The following MEAF6 variants were observed in gnomAD, a reference collection of about 807,000 sequenced individuals.
MEAF6 encodes chromatin modification-related protein MEAF6.
Under a neutral mutation model 28.9 loss-of-function variants are expected in MEAF6, and 15 were observed. The ratio of observed to expected loss-of-function variants is 0.52; its 90% confidence interval spans 0.35 to 0.80. MEAF6 has a LOEUF of 0.80. MEAF6 is among the 30% of genes least tolerant of loss of function. The pLI is 0.01. For synonymous variants in MEAF6, 97 were observed against 88.7 expected (o/e 1.09, Z -0.53); for missense variants, 178 against 237.5 (o/e 0.75, Z 1.65).
intron 5 of MEAF6, chr1:37,501,543 T>A (rs531977222): frequency 6.0e-6 from 2 of 335,988 alleles, no homozygotes; most frequent in South Asian, 2.9e-4. Flanking sequence ...ATATTCACCA[T>A]ATGAAACAAG....
chr1:37,500,615 A>G (rs945634756), intron 5 of MEAF6, among the ~76,000 whole-genome samples: 1 of 152,214 alleles, frequency 6.6e-6, no homozygotes, highest in Non-Finnish European at 1.5e-5. Flanking sequence ...GCAGTCTAGA[A>G]AACACCATTA....
intron 6 of MEAF6, 44 bp downstream of exon 6, chr1:37,495,841 T>C: frequency 1.2e-6 from 2 of 1,606,930 alleles, no homozygotes; most frequent in Non-Finnish European, 1.7e-6. Context: ...TCTAATCATC[T>C]ACAAAATTGC....
chr1:37,510,816 G>A (rs1447785223), intron 2 of MEAF6, among the ~76,000 whole-genome samples: 3 of 152,008 alleles, frequency 2.0e-5, no homozygotes, highest in East Asian at 1.9e-4. Context: ...TCTGCCTCCC[G>A]AGTTCAAGCG....
At position 37,490,517 on chromosome 1, in the gene MEAF6, C is replaced by A. The variant is rs528750054; in HGVS notation, c.*3582G>T. ...CTTCACATAAACCAGTATAGTCCCC[C>A]TGTAGTCAAGGCTTCAGATGTCAAT... On this transcript the variant is annotated 3_prime_UTR_variant, in exon 7 of 7. Transcript: ENST00000296214. Among the ~76,000 whole-genome samples, 2 of 152,274 alleles carry A rather than the reference C, an allele frequency of 1.3e-5. No individual in the cohort carries two copies. Among genetic ancestry groups the A allele is most frequent in the African/African-American group, 4.8e-5 (2 of 41,562 alleles).
chr1:37,492,204 ATTT>A lies in MEAF6; in HGVS notation c.*1892_*1894del, dbSNP rs1047160669. On this transcript the variant is annotated 3_prime_UTR_variant, in exon 7 of 7. Transcript: ENST00000296214. ...CCACCACGCTCAGCTAATTTTTTGCATTTTTAGTAGAGATGGGGTTTCACTGTG... is the reference window on the plus strand; with the variant it reads ...CCACCACGCTCAGCTAATTTTTTGCATTAGTAGAGATGGGGTTTCACTGTG... Among the ~76,000 whole-genome samples the A allele has an allele frequency of 6.6e-6, 1 of 151,894 alleles. No homozygotes were observed. Among genetic ancestry groups the A allele is most frequent in the Non-Finnish European group, 1.5e-5 (1 of 67,976 alleles).
At chr1:37,513,884 C>T (rs796419694) in intron 1 of MEAF6, 10 of 347,220 alleles carry the variant, frequency 2.9e-5, no homozygotes, top group Admixed American at 1.3e-4. Flanking sequence ...GGTATCGCTA[C>T]CAGGAGAGGG....
In MEAF6 at chr1:37,493,642, CAAGAG is replaced by C. The variant is rs1642013318; in HGVS notation, c.*452_*456del. ...CCCAAAGAAAATAAGATAAAAACAA[CAAGAG>C]AAAAACAAGAAAACATAAAACAATA... On this transcript the variant is annotated 3_prime_UTR_variant, in exon 7 of 7. Coordinates refer to ENST00000296214, the MANE Select transcript of MEAF6 (RefSeq NM_001270875.3). The C allele has an allele frequency of 1.2e-6, 1 of 836,272 alleles. No individual in the cohort carries two copies. The highest frequency in any genetic ancestry group is 1.7e-5 in the African/African-American group (1 of 57,528). The allele number at this position is 836,272 out of a possible 1,614,324, so 51.8% of individuals were successfully genotyped here.
chr1:37,497,232 GTTT>G (rs1642153479), intron 5 of MEAF6, among the ~76,000 whole-genome samples: 2 of 95,968 alleles, frequency 2.1e-5, no homozygotes, highest in Non-Finnish European at 5.1e-5. Flanking sequence ...ATATGGGTTT[GTTT>G]GTTTGTTTGT....
intron 6 of MEAF6, among the ~76,000 whole-genome samples, 183 bp downstream of exon 6, chr1:37,495,702 A>AC (rs1642104163): frequency 8.8e-6 from 1 of 113,490 alleles, no homozygotes. Flanking sequence ...AAAAACAAAA[A>AC]ACAAAAAAAA....
intron 5 of MEAF6, among the ~76,000 whole-genome samples, chr1:37,501,219 G>A (rs2492302): frequency 0.021 from 3,140 of 152,134 alleles, 106 homozygotes; most frequent in African/African-American, 0.072. Flanking sequence ...AATGTTACAC[G>A]TTACCTATGA....
rs1354830221 is a variant in MEAF6 at position 37,492,157 on chromosome 1, T to C, written c.*1942A>G. The stretch of plus-strand genomic sequence containing the variant: ...CATTCTCCTGCCTCAGCCTCCCGAG[T>C]AGCTGGGACTACCGGCACCCGCCAC... On this transcript the variant is annotated 3_prime_UTR_variant, in exon 7 of 7. Transcript: ENST00000296214. 1.3e-5 allele frequency among the ~76,000 whole-genome samples: 2 copies of C among 151,968 alleles called. No individual in the cohort carries two copies. Among genetic ancestry groups the C allele is most frequent in the African/African-American group, 4.8e-5 (2 of 41,356 alleles).
chr1:37,511,617 C>T (rs1642673867), intron 2 of MEAF6, among the ~76,000 whole-genome samples: 3 of 152,186 alleles, frequency 2.0e-5, no homozygotes, highest in Non-Finnish European at 4.4e-5. Flanking sequence ...CATTATGTGC[C>T]TCCTGATAAA....
intron 4 of MEAF6, among the ~76,000 whole-genome samples, chr1:37,506,721 A>G (rs1358093034): frequency 6.6e-6 from 1 of 151,278 alleles, no homozygotes; most frequent in African/African-American, 2.4e-5. Flanking sequence ...ACAAGGTCTC[A>G]CTCTGTCACT....
At chr1:37,495,839 T>A in intron 6 of MEAF6, 46 bp downstream of exon 6, 1 of 1,601,170 alleles carries the variant, frequency 6.2e-7, no homozygotes, top group Non-Finnish European at 8.6e-7. Flanking sequence ...TTTCTAATCA[T>A]CTACAAAATT....
intron 2 of MEAF6, among the ~76,000 whole-genome samples, chr1:37,511,221 C>T (rs1642659166): frequency 6.6e-6 from 1 of 152,000 alleles, no homozygotes; most frequent in Non-Finnish European, 1.5e-5. Context: ...TGGAGTACTC[C>T]AAAAGTAATA....
intron 5 of MEAF6, among the ~76,000 whole-genome samples, chr1:37,501,185 T>C (rs1439169785): frequency 6.6e-6 from 1 of 152,100 alleles, no homozygotes; most frequent in Non-Finnish European, 1.5e-5. Flanking sequence ...TCTCATTATG[T>C]ACTGCAAAAA....
intron 6 of MEAF6, among the ~76,000 whole-genome samples, chr1:37,495,175 T>C (rs1375203091): frequency 6.6e-6 from 1 of 151,022 alleles, no homozygotes; most frequent in Non-Finnish European, 1.5e-5. Context: ...TCTACTAAAA[T>C]ACAAAAACTA....
chr1:37,493,513 T>C lies in MEAF6; in HGVS notation c.*586A>G, dbSNP rs879575750. 1.4e-5 allele frequency: 7 copies of C among 490,880 alleles called. No homozygotes were observed. The highest frequency in any genetic ancestry group is 2.1e-5 in the Non-Finnish European group (6 of 280,892). The allele number at this position is 490,880 out of a possible 1,614,324, so 30.4% of individuals were successfully genotyped here. On this transcript the variant is annotated 3_prime_UTR_variant, in exon 7 of 7. Coordinates refer to ENST00000296214, the MANE Select transcript of MEAF6 (RefSeq NM_001270875.3). ...GGCAAGTTTCCCATTTTACTTATGATAAACCAGATTATTTTCAGTTATGAA... is the reference window on the plus strand; with the variant it reads ...GGCAAGTTTCCCATTTTACTTATGACAAACCAGATTATTTTCAGTTATGAA...
intron 4 of MEAF6, among the ~76,000 whole-genome samples, chr1:37,506,477 T>A (rs1224735896): frequency 6.6e-6 from 1 of 152,196 alleles, no homozygotes; most frequent in African/African-American, 2.4e-5. Context: ...GTTCAAGTGA[T>A]CCTTCTCCCT....
Sources: allele counts gnomAD v4.1 joint callset (sites outside exome capture counted in the v4.1 genomes callset), GRCh38; gene constraint gnomAD v4.1.1; transcripts MANE v1.5; gene names NCBI Gene and HGNC (gene_info 2026-07-23, HGNC 2026-07-21).